Variants in TMEM45A observed in about 807,000 individuals in gnomAD.
TMEM45A encodes the protein DNA polymerase-transactivated protein 4.
TMEM45A carries 25 observed loss-of-function variants against 32.0 expected under a neutral mutation model. The ratio of observed to expected loss-of-function variants is 0.78; its 90% CI spans 0.57 to 1.09. TMEM45A has a LOEUF of 1.09. Ranked by LOEUF, TMEM45A falls within the 50% of genes least tolerant of loss-of-function variation. The pLI, the probability that TMEM45A is intolerant of heterozygous loss-of-function variation, is 0.00. For missense variants in TMEM45A, 302 were observed against 325.0 expected (o/e 0.93, Z 0.54); for synonymous variants, 122 against 114.8 (o/e 1.06, Z -0.40).
At chr3:100,530,956 C>T (rs1295824430) in intron 1 of TMEM45A, among the ~76,000 whole-genome samples, 1 of 152,012 alleles carries the variant, frequency 6.6e-6, no homozygotes, top group Non-Finnish European at 1.5e-5. Context: ...CCTGTGTGTC[C>T]CATAAATTAG....
chr3:100,529,099 T>A (rs1210781900), intron 1 of TMEM45A, among the ~76,000 whole-genome samples: 1 of 152,224 alleles, frequency 6.6e-6, no homozygotes, highest in African/African-American at 2.4e-5. Context: ...AATGCCATTG[T>A]TTCCACACAA....
intron 1 of TMEM45A, among the ~76,000 whole-genome samples, chr3:100,553,670 T>G (rs1706153785): frequency 6.6e-6 from 1 of 152,218 alleles, no homozygotes; most frequent in Non-Finnish European, 1.5e-5. Context: ...ACTCCAGGTT[T>G]CATCTAGGCT....
chr3:100,567,541 A>AAAAAAAAAAATT (rs1706468936), intron 4 of TMEM45A, among the ~76,000 whole-genome samples: 1 of 150,056 alleles, frequency 6.7e-6, no homozygotes, highest in African/African-American at 2.4e-5. Flanking sequence ...AAAAAAAAAA[A>AAAAAAAAAAATT]GAACATTGGA....
At chr3:100,569,407 A>G (rs972781396) in intron 5 of TMEM45A, among the ~76,000 whole-genome samples, 2 of 152,202 alleles carry the variant, frequency 1.3e-5, no homozygotes, top group South Asian at 4.1e-4. Flanking sequence ...TGTCTGCCTA[A>G]TTTGACATTG....
intron 1 of TMEM45A, among the ~76,000 whole-genome samples, chr3:100,505,128 T>A (rs1708061238): frequency 6.6e-6 from 1 of 152,148 alleles, no homozygotes; most frequent in Admixed American, 6.5e-5. Context: ...ATTTAATGAC[T>A]GAGGGGGAAA....
intron 1 of TMEM45A, among the ~76,000 whole-genome samples, chr3:100,547,880 G>A (rs770053536): frequency 6.0e-4 from 91 of 152,066 alleles, no homozygotes; most frequent in Non-Finnish European, 1.2e-3. Context: ...TATGACATTT[G>A]TTCTTAGTTT....
intron 4 of TMEM45A, among the ~76,000 whole-genome samples, chr3:100,567,569 AT>A (rs1213333578): frequency 6.7e-6 from 1 of 149,230 alleles, no homozygotes; most frequent in Non-Finnish European, 1.5e-5. Context: ...TGGCAATTGC[AT>A]TGAATCTGTA....
rs1706698546 is a variant in TMEM45A, at chr3:100,576,839, T to A, written c.735-86T>A. 4.8e-6 allele frequency: 5 copies of A among 1,046,478 alleles called. No individual in the cohort carries two copies. In the East Asian group the frequency reaches 1.2e-4, roughly 25 times the overall value. The allele number at this position is 1,046,478 out of a possible 1,614,324, so 64.8% of individuals were successfully genotyped here. ...GCCTTCCCCAGTTGCCCAAATAATC[T>A]AGACTTTGTGGTATAATGGGTGCAT... On this transcript the variant is annotated intron_variant, in intron 5 of 5. Transcript: ENST00000323523.
intron 1 of TMEM45A, among the ~76,000 whole-genome samples, chr3:100,547,294 GTA>G (rs746617910): frequency 3.3e-5 from 5 of 151,790 alleles, no homozygotes; most frequent in Non-Finnish European, 5.9e-5. Flanking sequence ...GCTAATTTTT[GTA>G]TTTTTAGTAG....
At chr3:100,501,409 C>G (rs1708006121) in intron 1 of TMEM45A, among the ~76,000 whole-genome samples, 1 of 152,276 alleles carries the variant, frequency 6.6e-6, no homozygotes, top group East Asian at 1.9e-4. Context: ...GGGTTGAGAA[C>G]CATGGATCTA....
At chr3:100,558,314 G>A (rs936632596) in intron 3 of TMEM45A, 91 bp from the exon 4 acceptor site, 2 of 1,507,420 alleles carry the variant, frequency 1.3e-6, no homozygotes, top group African/African-American at 2.8e-5. Context: ...GTGTGTATGT[G>A]TAAAATTCTG....
At chr3:100,501,373 C>G (rs1708005561) in intron 1 of TMEM45A, among the ~76,000 whole-genome samples, 1 of 152,144 alleles carries the variant, frequency 6.6e-6, no homozygotes, top group Non-Finnish European at 1.5e-5. Flanking sequence ...CTGTGAAAAG[C>G]TCCCCAGAGA....
At chr3:100,557,024 T>G (rs754982784) in intron 3 of TMEM45A, 52 bp downstream of exon 3, 1 of 1,562,626 alleles carries the variant, frequency 6.4e-7, no homozygotes, top group African/African-American at 1.4e-5. Flanking sequence ...TGAGCATTTA[T>G]GTAGCCCTTC....
intron 5 of TMEM45A, among the ~76,000 whole-genome samples, chr3:100,570,175 G>A (rs1706529884): frequency 6.6e-6 from 1 of 152,182 alleles, no homozygotes; most frequent in African/African-American, 2.4e-5. Flanking sequence ...CCATATATGT[G>A]TGGATAGTGG....
At chr3:100,519,402 T>C (rs995694769) in intron 1 of TMEM45A, 3 of 636,814 alleles carry the variant, frequency 4.7e-6, no homozygotes, top group Non-Finnish European at 8.4e-6. Flanking sequence ...TGTGTGTGTG[T>C]GTGTGTGTAA....
At chr3:100,505,268 G>A (rs908368251) in intron 1 of TMEM45A, among the ~76,000 whole-genome samples, 4 of 152,306 alleles carry the variant, frequency 2.6e-5, no homozygotes, top group Admixed American at 2.6e-4. Flanking sequence ...TGAGAAAGAA[G>A]CAGCTACATG....
chr3:100,496,336 C>T (rs1170926577), intron 1 of TMEM45A, among the ~76,000 whole-genome samples: 1 of 152,174 alleles, frequency 6.6e-6, no homozygotes, highest in African/African-American at 2.4e-5. Context: ...CTCACATCCT[C>T]CTGTGAGGGT....
At chr3:100,497,557 C>G (rs1707946850) in intron 1 of TMEM45A, among the ~76,000 whole-genome samples, 1 of 152,210 alleles carries the variant, frequency 6.6e-6, no homozygotes, top group South Asian at 2.1e-4. Context: ...CAATAAATCC[C>G]TGTACCCCTT....
At chr3:100,568,353 C>T (rs866329037) in intron 4 of TMEM45A, among the ~76,000 whole-genome samples, 1 of 152,140 alleles carries the variant, frequency 6.6e-6, no homozygotes, top group African/African-American at 2.4e-5. Flanking sequence ...ATTGCTCTAG[C>T]TAAGATTTTC....
Sources: gnomAD v4.1 joint callset for allele counts (sites outside exome capture counted in the v4.1 genomes callset) on GRCh38, gnomAD v4.1.1 for gene constraint, MANE v1.5 for transcripts, NCBI Gene and HGNC (gene_info 2026-07-23, HGNC 2026-07-21) for gene names.